Variants in LARGE1 observed in about 807,000 individuals in gnomAD.
LARGE1 encodes the protein xylosyl- and glucuronyltransferase LARGE1.
LARGE1 carries 43 observed loss-of-function variants against 87.6 expected under a neutral mutation model. That is an observed-to-expected ratio of 0.49 (90% CI 0.38 to 0.63). The LOEUF is 0.63. Among genes scored for constraint, LARGE1 ranks in the 30% least tolerant of loss-of-function variants. LARGE1 has a pLI of 0.00. For synonymous variants in LARGE1, 434 were observed against 394.6 expected (o/e 1.10, Z -1.18); for missense variants, 802 against 1,000.2 (o/e 0.80, Z 2.67).
At chr22:33,351,227 G>C (rs1479295183) in intron 9 of LARGE1, among the ~76,000 whole-genome samples, 1 of 152,192 alleles carries the variant, frequency 6.6e-6, no homozygotes, top group East Asian at 1.9e-4. Flanking sequence ...GGAGGCCTCA[G>C]GAAGCCACCC....
intron 11 of LARGE1, among the ~76,000 whole-genome samples, chr22:33,211,570 G>A (rs768996398): frequency 2.6e-5 from 4 of 152,024 alleles, no homozygotes; most frequent in African/African-American, 4.8e-5. Flanking sequence ...TCAGGAGTCC[G>A]AGACCAGCCT....
the LARGE1 span, among the ~76,000 whole-genome samples, chr22:33,150,123 C>T: frequency 6.6e-6 from 1 of 152,148 alleles, no homozygotes; most frequent in Non-Finnish European, 1.5e-5. Flanking sequence ...ACCCCCAAGC[C>T]TCTCAAAAAG....
At chr22:33,303,787 A>G (rs547631609) in intron 12 of LARGE1, among the ~76,000 whole-genome samples, 95 of 143,462 alleles carry the variant, frequency 6.6e-4, no homozygotes, top group African/African-American at 2.6e-3. Flanking sequence ...AAGCCCAGCT[A>G]ATTTTTTTGG....
At chr22:33,246,810 C>G (rs1200454812) in intron 11 of LARGE1, among the ~76,000 whole-genome samples, 1 of 152,114 alleles carries the variant, frequency 6.6e-6, no homozygotes, top group African/African-American at 2.4e-5. Context: ...TGGTCAACAA[C>G]TTTTTATCAC....
At chr22:33,279,686 C>A (rs751650214) in intron 13 of LARGE1, among the ~76,000 whole-genome samples, 1 of 152,194 alleles carries the variant, frequency 6.6e-6, no homozygotes, top group Non-Finnish European at 1.5e-5. Flanking sequence ...AAAGGTGAAG[C>A]AATGCCATTT....
downstream of LARGE1, among the ~76,000 whole-genome samples, chr22:33,270,370 C>T (rs115042053): frequency 3.8e-3 from 577 of 152,222 alleles, 5 homozygotes; most frequent in African/African-American, 0.013. Flanking sequence ...GTACAAGCCT[C>T]GCAGCTAAGC....
intron 2 of LARGE1, among the ~76,000 whole-genome samples, chr22:33,717,942 C>T (rs888628576): frequency 1.3e-5 from 2 of 152,202 alleles, no homozygotes; most frequent in African/African-American, 4.8e-5. Flanking sequence ...CTTTATTTGG[C>T]ATCACTCTGT....
At position 33,334,552 on chromosome 22, in the gene LARGE1, G is replaced by A. The variant is rs1478864864; in HGVS notation, c.1287+3094C>T. Among the ~76,000 whole-genome samples, 3 of 152,178 alleles carry A rather than the reference G, an allele frequency of 2.0e-5. No homozygotes were observed. In the East Asian group the frequency reaches 5.8e-4, roughly 29 times the overall value. ...CACAGCTGAGACATTTAAACACAGA[G>A]GGTCAGGGTGTTCCCGCCAGTGGGA... is the stretch of plus-strand genomic sequence containing the variant. On this transcript the variant is annotated intron_variant, in intron 10 of 14. Coordinates refer to ENST00000397394, the MANE Select transcript of LARGE1 (RefSeq NM_133642.5).
At chr22:33,219,260 T>G (rs773421669) in intron 11 of LARGE1, among the ~76,000 whole-genome samples, 3 of 152,088 alleles carry the variant, frequency 2.0e-5, no homozygotes, top group African/African-American at 4.8e-5. Flanking sequence ...TGAATCCATA[T>G]CTATAAGATC....
intron 10 of LARGE1, among the ~76,000 whole-genome samples, chr22:33,321,976 G>A (rs1217613101): frequency 6.6e-6 from 1 of 152,046 alleles, no homozygotes. Flanking sequence ...GCACCACCAT[G>A]CCCAGCTAAT....
intron 4 of LARGE1, among the ~76,000 whole-genome samples, chr22:33,613,115 G>GC (rs2079487683): frequency 6.6e-6 from 1 of 152,176 alleles, no homozygotes; most frequent in Admixed American, 6.5e-5. Flanking sequence ...CAGCCCAGGT[G>GC]ACAACCAAGA....
intron 6 of LARGE1, among the ~76,000 whole-genome samples, chr22:33,516,746 C>A (rs957964315): frequency 1.3e-5 from 2 of 152,074 alleles, no homozygotes; most frequent in Non-Finnish European, 2.9e-5. Context: ...GGCGCCACCA[C>A]GCCTGGCTAA....
chr22:33,814,351 C>T (rs774286229), intron 1 of LARGE1, among the ~76,000 whole-genome samples: 1 of 152,136 alleles, frequency 6.6e-6, no homozygotes, highest in Non-Finnish European at 1.5e-5. Flanking sequence ...TACTTTGGTT[C>T]CTGACATATC....
intron 11 of LARGE1, among the ~76,000 whole-genome samples, chr22:33,173,143 C>A (rs1049665514): frequency 2.0e-5 from 3 of 152,102 alleles, no homozygotes; most frequent in Non-Finnish European, 4.4e-5. Context: ...GAAGCCCATT[C>A]GATTAACAGC....
chr22:33,696,257 TTCTTTC>T (rs1355178842), intron 2 of LARGE1, among the ~76,000 whole-genome samples: 13 of 115,380 alleles, frequency 1.1e-4, no homozygotes, highest in African/African-American at 3.3e-4. Context: ...CTTTCTTTCT[TTCTTTC>T]TTTTTTTTTT....
rs577003322 is a variant in LARGE1, at chr22:33,809,888, A to G, written c.-82-48330T>C. ...AAAACCAGAAGCTTGTGTTAAAAAA[A>G]AAAACAAAAAAACTTTACACTGCTT... On this transcript the variant is annotated intron_variant, in intron 1 of 14. Coordinates refer to ENST00000397394, the MANE Select transcript of LARGE1 (RefSeq NM_133642.5). Among the ~76,000 whole-genome samples the G allele has an allele frequency of 2.0e-5, 3 of 152,272 alleles. No individual in the cohort carries two copies. In the South Asian group the frequency reaches 6.2e-4, roughly 32 times the overall value.
chr22:33,509,924 A>G (rs1236922729), intron 6 of LARGE1, among the ~76,000 whole-genome samples: 1 of 152,170 alleles, frequency 6.6e-6, no homozygotes, highest in Non-Finnish European at 1.5e-5. Context: ...ACAATTTTGC[A>G]TTTGGGAAAA....
In LARGE1 at chr22:33,799,591, C is replaced by T. The variant is rs2086096208; in HGVS notation, c.-82-38033G>A. The stretch of plus-strand genomic sequence containing the variant: ...AGGTAGCTGGGATTACAGGCATGCA[C>T]CACCACGCCCGGCTAATTTTAAGTA... On this transcript the variant is annotated intron_variant, in intron 1 of 14. Coordinates refer to ENST00000397394, the MANE Select transcript of LARGE1 (RefSeq NM_133642.5). 2.6e-5 allele frequency among the ~76,000 whole-genome samples: 4 copies of T among 152,170 alleles called. No homozygotes were observed. In the East Asian group the frequency reaches 7.8e-4, roughly 30 times the overall value.
chr22:33,494,086 A>G (rs2069986224), intron 6 of LARGE1, among the ~76,000 whole-genome samples: 1 of 152,266 alleles, frequency 6.6e-6, no homozygotes, highest in Non-Finnish European at 1.5e-5. Context: ...TAAGCTCTTC[A>G]GCACAGATGC....
Sources: allele counts gnomAD v4.1 joint callset (sites outside exome capture counted in the v4.1 genomes callset), GRCh38; gene constraint gnomAD v4.1.1; transcripts MANE v1.5; gene names NCBI Gene and HGNC (gene_info 2026-07-23, HGNC 2026-07-21).